Variants in CPS1 observed in about 807,000 individuals in gnomAD.
CPS1 encodes carbamoyl-phosphate synthase [ammonia], mitochondrial.
CPS1 carries 109 observed loss-of-function variants against 174.6 expected under a neutral mutation model. That is an observed-to-expected ratio of 0.62 (90% CI 0.53 to 0.73). The LOEUF (loss-of-function observed/expected upper bound fraction) is 0.73. Ranked by LOEUF, CPS1 falls within the 30% of genes least tolerant of loss-of-function variation. The pLI is 0.00. For synonymous variants in CPS1, 637 were observed against 632.0 expected, an observed-to-expected ratio of 1.01 and a Z score of -0.12; for missense variants, 1,689 against 1,821.9, an observed-to-expected ratio of 0.93 and a Z score of 1.33.
At chr2:210,530,571 A>G (rs112626750) in intron 1 of CPS1, among the ~76,000 whole-genome samples, 2,432 of 152,170 alleles carry the variant, frequency 0.016, 52 homozygotes, top group African/African-American at 0.051. Flanking sequence ...AACAATGTTG[A>G]GGTGGGTATA....
chr2:210,608,433 C>A lies in CPS1; in HGVS notation c.2265C>A (p.Ser755=), dbSNP rs41272667. The part of the protein sequence containing the change: ...IPLPEIKNVV[S]GKTSACFEPS... Reference sequence around the variant, plus strand: ...TTCCAGAAATTAAGAACGTCGTATCCGGGAAGACATCAGCCTGTTTTGAAC... The same window carrying A: ...TTCCAGAAATTAAGAACGTCGTATCAGGGAAGACATCAGCCTGTTTTGAAC... The change falls in exon 19 of 38, where the codon TCC becomes TCA. Residue 755 remains serine (S), a synonymous_variant. Transcript: ENST00000233072. 20,962 of 1,612,368 alleles carry A rather than the reference C, an allele frequency of 0.013. 196 individuals carry two copies. Among genetic ancestry groups the A allele is most frequent in the Non-Finnish European group, 0.014 (16,782 of 1,178,944 alleles).
intron 1 of CPS1, among the ~76,000 whole-genome samples, chr2:210,494,534 C>T (rs1028055459): frequency 9.9e-5 from 15 of 152,266 alleles, no homozygotes; most frequent in South Asian, 8.3e-4. Flanking sequence ...AGACCCTAAA[C>T]GGCCCTATTG....
chr2:210,485,678 C>T (rs1011510950), intron 1 of CPS1, among the ~76,000 whole-genome samples: 1 of 152,210 alleles, frequency 6.6e-6, no homozygotes, highest in African/African-American at 2.4e-5. Flanking sequence ...CTCCATTCAT[C>T]TGTTGATGAA....
intron 10 of CPS1, among the ~76,000 whole-genome samples, chr2:210,592,343 G>A (rs1329134329): frequency 1.3e-5 from 2 of 151,836 alleles, no homozygotes; most frequent in Admixed American, 1.3e-4. Flanking sequence ...GTTTTAAAAC[G>A]TCATTTCTCT....
At chr2:210,586,747 T>G (rs1698123706) in intron 6 of CPS1, among the ~76,000 whole-genome samples, 1 of 152,092 alleles carries the variant, frequency 6.6e-6, no homozygotes, top group Non-Finnish European at 1.5e-5. Context: ...GCTGCAGTGG[T>G]GAAAGCTGGC....
chr2:210,618,875 A>G (rs924945905), intron 21 of CPS1: 11 of 152,066 alleles, frequency 7.2e-5, no homozygotes, highest in Non-Finnish European at 1.0e-4. Context: ...CCTATAGCTG[A>G]CTTACATATT....
intron 8 of CPS1, 41 bp downstream of exon 8, chr2:210,590,275 T>C: frequency 1.2e-6 from 2 of 1,611,620 alleles, no homozygotes; most frequent in East Asian, 2.2e-5. Flanking sequence ...GTGTGGGAGG[T>C]GGGGGCTTCC....
At position 210,577,508 on chromosome 2, in the gene CPS1, A is replaced by G. The variant is rs774291313; in HGVS notation, c.469A>G (p.Lys157Glu). 1 of 1,611,664 alleles carries G rather than the reference A, an allele frequency of 6.2e-7. No individual in the cohort carries two copies. Among genetic ancestry groups the G allele is most frequent in the South Asian group, 1.1e-5 (1 of 91,048 alleles). ...KSLGQWLQEE[K>E]VPAIYGVDTR... ...TTTAGGGCAATGGCTACAGGAAGAAAAGGTAAGAAATGTAATAGGGCATCC... is the reference window on the plus strand; with the variant it reads ...TTTAGGGCAATGGCTACAGGAAGAAGAGGTAAGAAATGTAATAGGGCATCC... Residue 157 changes from lysine to glutamate, a missense_variant and splice_region_variant, in exon 4 of 38, where the codon AAG becomes GAG. By Grantham distance (56) the Lys-to-Glu change is moderately conservative (BLOSUM62 1). Coordinates refer to ENST00000233072, the MANE Select transcript of CPS1 (RefSeq NM_001875.5).
chr2:210,650,280 G>C, intron 27 of CPS1, 83 bp from the exon 28 acceptor site: 1 of 1,112,470 alleles, frequency 9.0e-7, no homozygotes, highest in Non-Finnish European at 1.4e-6. Flanking sequence ...TGGAACTATA[G>C]GTTGTCTGGA....
chr2:210,652,503 A>G (rs1339908322), intron 28 of CPS1, among the ~76,000 whole-genome samples: 1 of 152,174 alleles, frequency 6.6e-6, no homozygotes. Flanking sequence ...GAAAAGAATT[A>G]GTGAATGAAT....
chr2:210,631,416 A>C (rs1434420985), intron 21 of CPS1: 2 of 152,192 alleles, frequency 1.3e-5, no homozygotes, highest in African/African-American at 4.8e-5. Context: ...CAATATCTAC[A>C]TTGGAAGTCT....
At chr2:210,480,326 A>G (rs1268546139) in intron 1 of CPS1, among the ~76,000 whole-genome samples, 3 of 152,138 alleles carry the variant, frequency 2.0e-5, no homozygotes, top group Non-Finnish European at 4.4e-5. Context: ...GCTGCCCAGG[A>G]GGCTGTGAAA....
At chr2:210,664,277 A>G (rs1254248969) in intron 33 of CPS1, among the ~76,000 whole-genome samples, 3 of 151,956 alleles carry the variant, frequency 2.0e-5, no homozygotes, top group Non-Finnish European at 2.9e-5. Context: ...CTGATTTTAG[A>G]TGGCCCAGGG....
chr2:210,534,411 T>A (rs908387246), intron 1 of CPS1, among the ~76,000 whole-genome samples: 1 of 152,206 alleles, frequency 6.6e-6, no homozygotes, highest in Non-Finnish European at 1.5e-5. Flanking sequence ...TATCCACTCC[T>A]GTAACAACTC....
In CPS1 at chr2:210,590,847, A is replaced by G. The variant is rs147030565; in HGVS notation, c.888A>G (p.Gly296=). ...AGCCATTGTTTGGAATCAGTACAGG[A>G]AACTTAATAACAGGATTGGCTGCTG... ...RKEPLFGIST[G]NLITGLAAGA... is the part of the protein sequence containing the mutation. The change falls in exon 9 of 38, where the codon GGA becomes GGG. Residue 296 remains glycine (G), a synonymous_variant. Transcript: ENST00000233072. 4 of 1,611,376 alleles carry G rather than the reference A, an allele frequency of 2.5e-6. No homozygotes were observed. The highest frequency in any genetic ancestry group is 3.4e-6 in the Non-Finnish European group (4 of 1,178,248).
intron 33 of CPS1, among the ~76,000 whole-genome samples, chr2:210,666,682 C>A (rs1360678107): frequency 2.0e-5 from 3 of 152,222 alleles, no homozygotes; most frequent in Admixed American, 1.3e-4. Context: ...TTCTATTGAT[C>A]TATATCTCTG....
upstream of CPS1, among the ~76,000 whole-genome samples, chr2:210,552,674 G>T (rs1696761684): frequency 6.6e-6 from 1 of 151,530 alleles, no homozygotes; most frequent in Admixed American, 6.6e-5. Flanking sequence ...GCTTATGTCA[G>T]TGGACTGTTT....
chr2:210,594,512 T>A lies in CPS1; in HGVS notation c.1169T>A (p.Leu390Gln). The A allele has an allele frequency of 6.2e-7, 1 of 1,608,578 alleles. No homozygotes were observed. The highest frequency in any genetic ancestry group is 1.1e-5 in the South Asian group (1 of 90,942). Residue 390 changes from leucine (L) to glutamine (Q), a missense_variant, in exon 12 of 38, where the codon CTG becomes CAG. Leu to Gln is a moderately radical substitution (Grantham distance 113). Transcript: ENST00000233072. ...VTPGPIDTEY[L>Q]FDSFFSLIKK... is the part of the protein sequence containing the mutation. The stretch of plus-strand genomic sequence containing the variant: ...GTTGGTTGTATTTTTTTCTAGTACC[T>A]GTTTGATTCCTTTTTCTCACTGATA...
chr2:210,593,341 G>A, intron 11 of CPS1: 2 of 1,132,358 alleles, frequency 1.8e-6, no homozygotes, highest in Non-Finnish European at 1.1e-6. Context: ...AATCCCTATG[G>A]CAACTGGTTG....
Sources: gnomAD v4.1 joint callset for allele counts (sites outside exome capture counted in the v4.1 genomes callset) on GRCh38, gnomAD v4.1.1 for gene constraint, MANE v1.5 for transcripts, NCBI Gene and HGNC (gene_info 2026-07-23, HGNC 2026-07-21) for gene names.